The following RAB28 variants were observed in gnomAD, a reference collection of about 807,000 sequenced individuals.
RAB28 encodes the protein ras-related protein Rab-28.
In RAB28, 24 loss-of-function variants were observed where a neutral mutation model predicts 31.7. That is an observed-to-expected ratio of 0.76 (90% CI 0.55 to 1.06). The LOEUF (loss-of-function observed/expected upper bound fraction) is 1.06. Ranked by LOEUF, RAB28 falls within the 50% of genes least tolerant of loss-of-function variation. The pLI, the probability that RAB28 is intolerant of heterozygous loss-of-function variation, is 0.00. For synonymous variants in RAB28, 100 were observed against 90.4 expected (o/e 1.11, Z -0.60); for missense variants, 254 against 258.5 (o/e 0.98, Z 0.12).
chr4:13,423,286 A>T (rs1160644385), intron 4 of RAB28, among the ~76,000 whole-genome samples: 1 of 152,136 alleles, frequency 6.6e-6, no homozygotes, highest in Non-Finnish European at 1.5e-5. Context: ...CTGTAATCCC[A>T]ACACTTTAGG....
chr4:13,441,129 G>A (rs1171925034), intron 4 of RAB28, among the ~76,000 whole-genome samples: 1 of 152,176 alleles, frequency 6.6e-6, no homozygotes, highest in Admixed American at 6.5e-5. Flanking sequence ...TGTTGTGGAA[G>A]TAAGATGAAC....
At chr4:13,423,114 A>G (rs971766423) in intron 4 of RAB28, among the ~76,000 whole-genome samples, 1 of 152,222 alleles carries the variant, frequency 6.6e-6, no homozygotes, top group African/African-American at 2.4e-5. Flanking sequence ...ATGGATACAT[A>G]TATGAAAAAG....
chr4:13,433,362 GC>G (rs548931287), intron 4 of RAB28, among the ~76,000 whole-genome samples: 557 of 152,154 alleles, frequency 3.7e-3, no homozygotes, highest in Non-Finnish European at 5.6e-3. Context: ...AACACAGAAA[GC>G]AGACAATCTG....
intron 4 of RAB28, among the ~76,000 whole-genome samples, chr4:13,394,436 G>T (rs1276148988): frequency 6.6e-6 from 1 of 152,152 alleles, no homozygotes; most frequent in South Asian, 2.1e-4. Flanking sequence ...GATCTGACAG[G>T]AGGTGGAGCT....
intron 4 of RAB28, among the ~76,000 whole-genome samples, chr4:13,440,555 T>C (rs1488592996): frequency 2.0e-5 from 3 of 152,158 alleles, no homozygotes; most frequent in Non-Finnish European, 2.9e-5. Flanking sequence ...TATTTTTGGT[T>C]TCCTCGTTAG....
At chr4:13,452,782 G>A (rs1274951519) in intron 4 of RAB28, among the ~76,000 whole-genome samples, 2 of 152,004 alleles carry the variant, frequency 1.3e-5, no homozygotes, top group Non-Finnish European at 2.9e-5. Flanking sequence ...CGTCTGTTAG[G>A]TGCAGTTTGG....
rs528160320 is a variant in RAB28, at chr4:13,434,618, T to A, written c.391+26081A>T. On this transcript the variant is annotated intron_variant, in intron 4 of 6. Transcript: ENST00000330852. Reference sequence around the variant, plus strand: ...AATATACATTGTTCTCATCTATGCATGGAACATCCTCTAATACTGCCATGT... The same window carrying A: ...AATATACATTGTTCTCATCTATGCAAGGAACATCCTCTAATACTGCCATGT... Among the ~76,000 whole-genome samples, 318 of 152,306 alleles carry A rather than the reference T, an allele frequency of 2.1e-3. 2 individuals are homozygous for A. Among genetic ancestry groups the A allele is most frequent in the Non-Finnish European group, 2.8e-3 (191 of 68,018 alleles).
intron 3 of RAB28, among the ~76,000 whole-genome samples, chr4:13,462,027 C>T (rs1010717991): frequency 2.0e-5 from 3 of 152,198 alleles, no homozygotes; most frequent in Non-Finnish European, 2.9e-5. Context: ...TAATTAAAAA[C>T]ATTTGTCTGT....
At chr4:13,477,647 T>TAA (rs60423648) in intron 2 of RAB28, among the ~76,000 whole-genome samples, 1 of 148,018 alleles carries the variant, frequency 6.8e-6, no homozygotes. Flanking sequence ...CCAACTGCCT[T>TAA]AAAAAAAAAA....
chr4:13,423,498 A>T (rs1481545666), intron 4 of RAB28, among the ~76,000 whole-genome samples: 1 of 152,116 alleles, frequency 6.6e-6, no homozygotes, highest in African/African-American at 2.4e-5. Context: ...GGGAAAAAAA[A>T]AGGTGAGAAT....
intron 4 of RAB28, among the ~76,000 whole-genome samples, chr4:13,423,667 A>G (rs1289735286): frequency 1.3e-5 from 2 of 152,216 alleles, no homozygotes; most frequent in African/African-American, 4.8e-5. Flanking sequence ...CAGACACTGT[A>G]GGGCCCTTGA....
chr4:13,429,494 A>AT (rs1370051964), intron 4 of RAB28, among the ~76,000 whole-genome samples: 1 of 152,238 alleles, frequency 6.6e-6, no homozygotes, highest in African/African-American at 2.4e-5. Flanking sequence ...TCAATGAACA[A>AT]TTCAAATATG....
intron 4 of RAB28, among the ~76,000 whole-genome samples, chr4:13,413,298 C>G (rs1712554112): frequency 6.6e-6 from 1 of 152,138 alleles, no homozygotes; most frequent in African/African-American, 2.4e-5. Flanking sequence ...ATTAAAAAAT[C>G]AAACTTTCCT....
chr4:13,474,345 C>T lies in RAB28; in HGVS notation c.234G>A (p.Met78Ile), dbSNP rs2108972368. The change falls in exon 3 of 7, where the codon ATG (methionine) becomes ATA (isoleucine). Residue 78 changes from methionine to isoleucine, a missense_variant. Transcript: ENST00000330852. ...DIGGQTIGGK[M>I]LDKYIYGAQG... Reference sequence around the variant, plus strand: ...GTGCTCCATAGATATATTTATCCAACATTTTGCCTCCTATTGTCTGCCCTC... The same window carrying T: ...GTGCTCCATAGATATATTTATCCAATATTTTGCCTCCTATTGTCTGCCCTC... 1 of 1,596,520 alleles carries T rather than the reference C, an allele frequency of 6.3e-7. No individual in the cohort carries two copies. The highest frequency in any genetic ancestry group is 2.2e-5 in the East Asian group (1 of 44,634).
chr4:13,386,232 C>A (rs1729361014), intron 4 of RAB28, among the ~76,000 whole-genome samples: 1 of 151,792 alleles, frequency 6.6e-6, no homozygotes. Context: ...CCAAAAGCAA[C>A]TGCAACAAAA....
rs926877432 is a variant in RAB28 at position 13,367,814 on chromosome 4, C to G, written c.*744G>C. 3 of 984,764 alleles carry G rather than the reference C, an allele frequency of 3.0e-6. No individual in the cohort carries two copies. The highest frequency in any genetic ancestry group is 2.4e-6 in the Non-Finnish European group (2 of 829,510). The allele number at this position is 984,764 out of a possible 1,614,324, so 61.0% of individuals were successfully genotyped here. A position where few individuals can be genotyped will look rare whatever the true frequency, so the allele number is the denominator to read the frequency against. ...GTCATAACTCATTCTCGGGAGTACT[C>G]TTATGCAGTTTGCAAGAGAAATTCC... On this transcript the variant is annotated 3_prime_UTR_variant, in exon 7 of 7. Transcript: ENST00000330852.
chr4:13,383,714 A>G (rs1242739632), intron 4 of RAB28, among the ~76,000 whole-genome samples: 1 of 152,194 alleles, frequency 6.6e-6, no homozygotes, highest in African/African-American at 2.4e-5. Flanking sequence ...TTCTCATGAT[A>G]GTAAATAAGT....
chr4:13,431,508 T>C (rs1713803623), intron 4 of RAB28, among the ~76,000 whole-genome samples: 1 of 152,016 alleles, frequency 6.6e-6, no homozygotes, highest in South Asian at 2.1e-4. Context: ...AACTGCACCA[T>C]GAAATTAAAA....
intron 4 of RAB28, among the ~76,000 whole-genome samples, chr4:13,387,688 T>G (rs141280878): frequency 1.3e-5 from 2 of 152,096 alleles, no homozygotes; most frequent in South Asian, 4.1e-4. Context: ...CTGAAGAAAA[T>G]AGCTGTCTGT....
Sources: allele counts gnomAD v4.1 joint callset (sites outside exome capture counted in the v4.1 genomes callset), GRCh38; gene constraint gnomAD v4.1.1; transcripts MANE v1.5; gene names NCBI Gene and HGNC (gene_info 2026-07-23, HGNC 2026-07-21).